The following TASP1 variants were observed in gnomAD, a reference collection of about 807,000 sequenced individuals.
TASP1 encodes the protein threonine aspartase 1.
Under a neutral mutation model 56.6 loss-of-function variants are expected in TASP1, and 16 were observed. The observed-to-expected ratio is 0.28, with a 90% CI of 0.19 to 0.43. The LOEUF is 0.43. TASP1 is among the 20% of genes least tolerant of loss of function. TASP1 has a pLI of 1.00. For missense variants in TASP1, 393 were observed against 511.6 expected (o/e 0.77, Z 2.24); for synonymous variants, 179 against 184.2 (o/e 0.97, Z 0.23).
At chr20:13,401,740 T>TAA (rs1445205933) in intron 13 of TASP1, among the ~76,000 whole-genome samples, 2 of 152,224 alleles carry the variant, frequency 1.3e-5, no homozygotes, top group Non-Finnish European at 2.9e-5. Context: ...ACACCATAGA[T>TAA]AATCATTACT....
chr20:13,462,524 A>G (rs1036697185), intron 11 of TASP1, among the ~76,000 whole-genome samples: 8 of 152,262 alleles, frequency 5.3e-5, no homozygotes, highest in South Asian at 4.1e-4. Flanking sequence ...CCTTTCCCAC[A>G]TATCTGCCAA....
At chr20:13,359,002 C>T in the TASP1 span, among the ~76,000 whole-genome samples, 1 of 150,448 alleles carries the variant, frequency 6.6e-6, no homozygotes, top group East Asian at 2.0e-4. Flanking sequence ...AAGTACCCCT[C>T]AACCCCTTCT....
chr20:13,139,485 C>T, the TASP1 span, among the ~76,000 whole-genome samples: 6 of 152,212 alleles, frequency 3.9e-5, no homozygotes, highest in Non-Finnish European at 8.8e-5. Flanking sequence ...TTTTGTAGCT[C>T]CTCCAGCTTC....
chr20:13,602,224 C>T (rs749151888), intron 4 of TASP1, among the ~76,000 whole-genome samples: 80 of 151,994 alleles, frequency 5.3e-4, no homozygotes, highest in Admixed American at 1.1e-3. Context: ...ATACAAATCT[C>T]AATTAAAGGA....
chr20:13,427,484 C>T (rs557816921), intron 12 of TASP1, among the ~76,000 whole-genome samples: 11 of 152,070 alleles, frequency 7.2e-5, no homozygotes, highest in East Asian at 1.9e-4. Context: ...TGAGAACATG[C>T]GGAAATTTTC....
At chr20:13,196,836 T>A in the TASP1 span, among the ~76,000 whole-genome samples, 3,835 of 152,236 alleles carry the variant, frequency 0.025, 67 homozygotes, top group Non-Finnish European at 0.031. Flanking sequence ...CCTAATATAA[T>A]CCCCATATCA....
chr20:13,132,545 C>G, the TASP1 span, among the ~76,000 whole-genome samples: 1 of 152,124 alleles, frequency 6.6e-6, no homozygotes, highest in East Asian at 1.9e-4. Flanking sequence ...TCTGTTTGCC[C>G]TCACTAAAAG....
chr20:13,361,901 G>A, the TASP1 span, among the ~76,000 whole-genome samples: 1 of 152,074 alleles, frequency 6.6e-6, no homozygotes, highest in Non-Finnish European at 1.5e-5. Context: ...CAGATATCCT[G>A]AGTCATCCCA....
chr20:13,230,967 A>C, the TASP1 span, among the ~76,000 whole-genome samples: 1 of 152,180 alleles, frequency 6.6e-6, no homozygotes, highest in East Asian at 1.9e-4. Flanking sequence ...CTAAGCACTC[A>C]CTGCCCATTG....
intron 13 of TASP1, chr20:13,392,797 T>C (rs2041341888): frequency 1.6e-6 from 1 of 622,542 alleles, no homozygotes; most frequent in Non-Finnish European, 3.0e-6. Context: ...TGACCTCAAC[T>C]ACATAGTCTA....
intron 13 of TASP1, chr20:13,393,812 A>T (rs552455371): frequency 2.3e-4 from 129 of 560,832 alleles, no homozygotes; most frequent in African/African-American, 1.9e-3. Context: ...GACACCCTGA[A>T]GAGGGAGGGG....
the TASP1 span, among the ~76,000 whole-genome samples, chr20:13,186,108 T>C: frequency 6.6e-6 from 1 of 152,184 alleles, no homozygotes; most frequent in African/African-American, 2.4e-5. Flanking sequence ...TACACTAGCA[T>C]GATAGTGAGA....
chr20:13,357,327 C>A, the TASP1 span, among the ~76,000 whole-genome samples: 1 of 152,136 alleles, frequency 6.6e-6, no homozygotes, highest in Admixed American at 6.5e-5. Flanking sequence ...CCACCCACCC[C>A]AATTAGGCTA....
At chr20:13,214,079 T>C in the TASP1 span, among the ~76,000 whole-genome samples, 1 of 152,154 alleles carries the variant, frequency 6.6e-6, no homozygotes, top group African/African-American at 2.4e-5. Context: ...GTAAAGAATA[T>C]TATAGGGACA....
At chr20:13,165,097 A>G in the TASP1 span, 4 of 428,412 alleles carry the variant, frequency 9.3e-6, no homozygotes, top group African/African-American at 1.1e-4. Context: ...TTCTACTAGA[A>G]ATACACACAC....
chr20:13,412,822 A>G (rs1256920004), intron 13 of TASP1, among the ~76,000 whole-genome samples: 1 of 152,204 alleles, frequency 6.6e-6, no homozygotes, highest in Admixed American at 6.5e-5. Context: ...TGGAATGTTG[A>G]ATTTGGAATT....
chr20:13,116,460 T>G, the TASP1 span, among the ~76,000 whole-genome samples: 2 of 152,190 alleles, frequency 1.3e-5, no homozygotes, highest in East Asian at 1.9e-4. Context: ...TACTGTCAGA[T>G]TTTTTTAATC....
At chr20:13,279,741 G>A in the TASP1 span, 1 of 1,614,012 alleles carries the variant, frequency 6.2e-7, no homozygotes, top group Non-Finnish European at 8.5e-7. Context: ...GGGCCTGGTG[G>A]CAGAGGTCCC....
intron 10 of TASP1, among the ~76,000 whole-genome samples, chr20:13,488,272 G>C (rs926432432): frequency 4.0e-5 from 6 of 151,580 alleles, no homozygotes; most frequent in Non-Finnish European, 8.8e-5. Context: ...CTGGACCAAA[G>C]GCAACAAGAA....
Sources: gnomAD v4.1 joint callset for allele counts (sites outside exome capture counted in the v4.1 genomes callset) on GRCh38, gnomAD v4.1.1 for gene constraint, MANE v1.5 for transcripts, NCBI Gene and HGNC (gene_info 2026-07-23, HGNC 2026-07-21) for gene names.